PIAS2: variants seen among roughly 807,000 people sequenced by gnomAD.
The protein encoded by PIAS2 is E3 SUMO-protein ligase PIAS2.
A neutral mutation model predicts 69.7 loss-of-function variants in PIAS2; 19 were observed. The ratio of observed to expected loss-of-function variants is 0.27; its 90% confidence interval spans 0.19 to 0.40. PIAS2 has a LOEUF of 0.40. PIAS2 is among the 10% of genes least tolerant of loss of function. The pLI, the probability that PIAS2 is intolerant of heterozygous loss-of-function variation, is 1.00. For synonymous variants in PIAS2, 261 were observed against 263.2 expected (o/e 0.99, Z 0.08); for missense variants, 624 against 757.0 (o/e 0.82, Z 2.06).
chr18:46,818,867 T>A lies in PIAS2; in HGVS notation c.1648+2066A>T, dbSNP rs116091921. Among the ~76,000 whole-genome samples the A allele has an allele frequency of 3.8e-3, 586 of 152,224 alleles. 2 individuals carry two copies. The highest frequency in any genetic ancestry group is 0.013 in the African/African-American group (556 of 41,564). ...ATATCAGCCTTGGATATTAGTCTTG[T>A]TTGCTCAATATCAGCTTGAAACACA... On this transcript the variant is annotated intron_variant, in intron 12 of 13. Coordinates refer to ENST00000585916, the MANE Select transcript of PIAS2 (RefSeq NM_004671.5).
At chr18:46,870,444 T>C (rs2050163939) in intron 2 of PIAS2, among the ~76,000 whole-genome samples, 1 of 151,550 alleles carries the variant, frequency 6.6e-6, no homozygotes, top group Non-Finnish European at 1.5e-5. Flanking sequence ...TGAAACCCCG[T>C]CTCTACTAAA....
chr18:46,851,747 C>T (rs979648358), intron 5 of PIAS2, among the ~76,000 whole-genome samples: 1 of 152,186 alleles, frequency 6.6e-6, no homozygotes, highest in Non-Finnish European at 1.5e-5. Flanking sequence ...GGACACGTTG[C>T]CATTTTCAAA....
intron 2 of PIAS2, among the ~76,000 whole-genome samples, chr18:46,886,513 A>G (rs921357161): frequency 1.3e-5 from 2 of 152,212 alleles, no homozygotes; most frequent in African/African-American, 4.8e-5. Flanking sequence ...ATCATAAAAG[A>G]CAGACAACCG....
rs116049692 is a variant in PIAS2 at position 46,850,382 on chromosome 18, C to A, written c.727-3541G>T. On this transcript the variant is annotated intron_variant, in intron 5 of 13. Coordinates refer to ENST00000585916, the MANE Select transcript of PIAS2 (RefSeq NM_004671.5). ...ACATAACCCCTGCCATCTCCAAACA[C>A]ACACACTTTTTCCCCAATGCTGTTG... Among the ~76,000 whole-genome samples the A allele has an allele frequency of 6.6e-3, 1,009 of 152,256 alleles. 12 individuals carry two copies. The highest frequency in any genetic ancestry group is 0.023 in the African/African-American group (941 of 41,530).
At chr18:46,889,342 A>G (rs1185729964) in intron 2 of PIAS2, among the ~76,000 whole-genome samples, 1 of 152,216 alleles carries the variant, frequency 6.6e-6, no homozygotes, top group African/African-American at 2.4e-5. Context: ...CATATATCTG[A>G]TAAGGGATTA....
rs58230183 is a variant in PIAS2, at chr18:46,880,089, T to TAA, written c.499+10489_499+10490dup. On this transcript the variant is annotated intron_variant, in intron 2 of 13. Coordinates refer to ENST00000585916, the MANE Select transcript of PIAS2 (RefSeq NM_004671.5). ...TCAGACAGTATGTATTTTACCACAGTAAAAAAAAAAAAAAAAAAAATTGGG... is the reference window on the plus strand; with the variant it reads ...TCAGACAGTATGTATTTTACCACAGTAAAAAAAAAAAAAAAAAAAAAATTGGG... 4.3e-3 allele frequency among the ~76,000 whole-genome samples: 479 copies of TAA among 110,350 alleles called. 2 individuals carry two copies. Among genetic ancestry groups the TAA allele is most frequent in the African/African-American group, 0.014 (411 of 29,500 alleles). 72.4% of individuals were successfully genotyped at this position (110,350 alleles called of 152,430 possible). A position where few individuals can be genotyped will look rare whatever the true frequency, so the allele number is the denominator to read the frequency against.
chr18:46,904,754 C>CT (rs1555802076), intron 1 of PIAS2, among the ~76,000 whole-genome samples: 1 of 104,916 alleles, frequency 9.5e-6, no homozygotes, highest in Non-Finnish European at 2.0e-5. Context: ...CCATCCGTCT[C>CT]AAAAAAAAAA....
chr18:46,888,800 C>G (rs899086054), intron 2 of PIAS2, among the ~76,000 whole-genome samples: 2 of 151,862 alleles, frequency 1.3e-5, no homozygotes, highest in East Asian at 1.9e-4. Flanking sequence ...CTGTAATGCT[C>G]GAATTCCTGC....
chr18:46,880,388 AAAAAC>A (rs1477032177), intron 2 of PIAS2, among the ~76,000 whole-genome samples: 4 of 152,100 alleles, frequency 2.6e-5, no homozygotes, highest in African/African-American at 9.7e-5. Context: ...CTGTCTCAAA[AAAAAC>A]AAAACAAAAC....
Position 46,808,576 on chromosome 18 carries a change from G to A in PIAS2, c.*3857C>T, listed in dbSNP as rs2040822185. The A allele has an allele frequency of 6.6e-6, 1 of 152,158 alleles. No homozygotes were observed. Among genetic ancestry groups the A allele is most frequent in the Non-Finnish European group, 1.5e-5 (1 of 68,028 alleles). 9.4% of individuals were successfully genotyped at this position (152,158 alleles called of 1,614,324 possible). A position where few individuals can be genotyped will look rare whatever the true frequency, so the allele number is the denominator to read the frequency against. Reference sequence around the variant, plus strand: ...ATTCATGTAGAACTGTAGTAAAAAAGATGGTGAATCAGGCTGAATCAATCT... The same window carrying A: ...ATTCATGTAGAACTGTAGTAAAAAAAATGGTGAATCAGGCTGAATCAATCT... On this transcript the variant is annotated 3_prime_UTR_variant, in exon 14 of 14. Coordinates refer to ENST00000585916, the MANE Select transcript of PIAS2 (RefSeq NM_004671.5).
intron 12 of PIAS2, chr18:46,817,710 T>G (rs1191861198): frequency 5.3e-6 from 5 of 944,144 alleles, no homozygotes; most frequent in Non-Finnish European, 5.0e-6. Context: ...GCTGTCTATA[T>G]AAAACCTGTT....
At chr18:46,874,605 G>A (rs1055827135) in intron 2 of PIAS2, among the ~76,000 whole-genome samples, 1 of 152,138 alleles carries the variant, frequency 6.6e-6, no homozygotes, top group Non-Finnish European at 1.5e-5. Flanking sequence ...TTGCCTTACT[G>A]AGGGTCTGAA....
chr18:46,875,350 A>T (rs2051000282), intron 2 of PIAS2, among the ~76,000 whole-genome samples: 1 of 152,228 alleles, frequency 6.6e-6, no homozygotes, highest in South Asian at 2.1e-4. Context: ...GGACTGAAAC[A>T]GAAACTCCAA....
At chr18:46,829,527 A>C (rs1039503282) in intron 10 of PIAS2, among the ~76,000 whole-genome samples, 2 of 152,230 alleles carry the variant, frequency 1.3e-5, no homozygotes, top group African/African-American at 4.8e-5. Flanking sequence ...TACACAGGAA[A>C]AATATACTAT....
intron 9 of PIAS2, among the ~76,000 whole-genome samples, chr18:46,830,069 GTTAA>G (rs1004079729): frequency 6.6e-6 from 1 of 152,058 alleles, no homozygotes; most frequent in Non-Finnish European, 1.5e-5. Context: ...CAACATAATA[GTTAA>G]GTAACTTACT....
At position 46,804,899 on chromosome 18, in the gene PIAS2, G is replaced by A. The variant is rs970385700; in HGVS notation, c.*7534C>T. 1.3e-5 allele frequency: 2 copies of A among 152,278 alleles called. No individual in the cohort carries two copies. Among genetic ancestry groups the A allele is most frequent in the African/African-American group, 4.8e-5 (2 of 41,450 alleles). 9.4% of individuals were successfully genotyped at this position (152,278 alleles called of 1,614,324 possible). On this transcript the variant is annotated 3_prime_UTR_variant, in exon 14 of 14. Transcript: ENST00000585916. ...CATTTGTAAGCCAAGAAAAGCAGCA[G>A]TAGAGAGGTGAGAGACATGGAGATA...
intron 2 of PIAS2, among the ~76,000 whole-genome samples, chr18:46,886,439 A>G (rs1017985598): frequency 5.3e-5 from 8 of 152,246 alleles, no homozygotes; most frequent in African/African-American, 1.9e-4. Context: ...TAGAAAACAA[A>G]TTAGGGAAAT....
chr18:46,833,126 C>T (rs2043921599), intron 9 of PIAS2, among the ~76,000 whole-genome samples: 1 of 152,146 alleles, frequency 6.6e-6, no homozygotes, highest in Non-Finnish European at 1.5e-5. Context: ...TGAATGTTCA[C>T]AGTAGCTGTA....
chr18:46,898,680 A>T (rs575380248), intron 1 of PIAS2, among the ~76,000 whole-genome samples: 1 of 152,334 alleles, frequency 6.6e-6, no homozygotes, highest in South Asian at 2.1e-4. Context: ...CAAGAGGTAC[A>T]TTAAAAAACT....
Sources: allele counts gnomAD v4.1 joint callset (sites outside exome capture counted in the v4.1 genomes callset), GRCh38; gene constraint gnomAD v4.1.1; transcripts MANE v1.5; gene names NCBI Gene and HGNC (gene_info 2026-07-23, HGNC 2026-07-21).